EDAR: variants seen among roughly 807,000 people sequenced by gnomAD.
EDAR encodes ectodysplasin A receptor, also known as tumor necrosis factor receptor superfamily member EDAR.
EDAR carries 38 observed loss-of-function variants against 51.3 expected under a neutral mutation model. That is an observed-to-expected ratio of 0.74 (90% CI 0.57 to 0.97). The LOEUF (loss-of-function observed/expected upper bound fraction) is 0.97, where lower values mean the gene tolerates loss of function less well. EDAR is among the 50% of genes least tolerant of loss of function. EDAR has a pLI of 0.00. For synonymous variants in EDAR, 227 were observed against 242.1 expected, an observed-to-expected ratio of 0.94 and a Z score of 0.58; for missense variants, 528 against 595.0, an observed-to-expected ratio of 0.89 and a Z score of 1.17.
chr2:108,934,913 G>C (rs977983083), intron 1 of EDAR, among the ~76,000 whole-genome samples: 3 of 152,212 alleles, frequency 2.0e-5, no homozygotes, highest in African/African-American at 7.2e-5. Context: ...AGGCAGACAA[G>C]GCTGCTGCTT....
chr2:108,939,679 G>A (rs1451312882), intron 1 of EDAR, among the ~76,000 whole-genome samples: 2 of 152,204 alleles, frequency 1.3e-5, no homozygotes, highest in Admixed American at 6.5e-5. Context: ...AGCAATAGAT[G>A]AATGAGTTAT....
chr2:108,924,567 C>A (rs1030946523), intron 4 of EDAR, among the ~76,000 whole-genome samples: 1 of 152,192 alleles, frequency 6.6e-6, no homozygotes, highest in Non-Finnish European at 1.5e-5. Context: ...ATTAGCCAGG[C>A]CCCATGGAGG....
intron 1 of EDAR, among the ~76,000 whole-genome samples, chr2:108,988,220 G>A (rs1172109454): frequency 1.3e-5 from 2 of 152,190 alleles, no homozygotes; most frequent in East Asian, 1.9e-4. Flanking sequence ...TGGGAACCTC[G>A]CCTGCTGACC....
At chr2:108,912,630 C>G (rs780516704) in intron 6 of EDAR, 48 bp downstream of exon 6, 1 of 1,508,986 alleles carries the variant, frequency 6.6e-7, no homozygotes, top group Non-Finnish European at 9.0e-7. Context: ...AGCTTTCATC[C>G]GAGTACCACC....
At chr2:108,913,186 T>A (rs2105407052) in intron 5 of EDAR, among the ~76,000 whole-genome samples, 1 of 152,242 alleles carries the variant, frequency 6.6e-6, no homozygotes, top group Admixed American at 6.5e-5. Flanking sequence ...CCTGACCTTG[T>A]GATCTGCCCG....
intron 5 of EDAR, among the ~76,000 whole-genome samples, chr2:108,914,631 T>G (rs1574375286): frequency 6.6e-6 from 1 of 152,158 alleles, no homozygotes; most frequent in Non-Finnish European, 1.5e-5. Context: ...TAAAAGAAGA[T>G]CAACCTTCTT....
At chr2:108,906,526 G>A (rs1361439766) in intron 10 of EDAR, among the ~76,000 whole-genome samples, 158 bp from the exon 11 acceptor site, 1 of 152,220 alleles carries the variant, frequency 6.6e-6, no homozygotes. Context: ...CACACAGGGA[G>A]GAGGGCCTTC....
At chr2:108,977,560 G>A (rs1698346486) in intron 1 of EDAR, among the ~76,000 whole-genome samples, 2 of 152,254 alleles carry the variant, frequency 1.3e-5, no homozygotes, top group South Asian at 4.1e-4. Flanking sequence ...GTGAGCCACC[G>A]AGCCTGGCCA....
intron 1 of EDAR, among the ~76,000 whole-genome samples, chr2:108,940,018 G>A (rs1239326310): frequency 1.3e-5 from 2 of 152,232 alleles, no homozygotes; most frequent in Non-Finnish European, 2.9e-5. Context: ...ATCATTGAAA[G>A]ACACGCTACT....
At chr2:108,960,502 G>A (rs1698017626) in intron 1 of EDAR, among the ~76,000 whole-genome samples, 1 of 152,226 alleles carries the variant, frequency 6.6e-6, no homozygotes, top group Non-Finnish European at 1.5e-5. Context: ...GGCATGAGGA[G>A]CCAGGGCAGG....
intron 5 of EDAR, 68 bp from the exon 6 acceptor site, chr2:108,912,832 C>T: frequency 1.5e-6 from 2 of 1,316,054 alleles, no homozygotes; most frequent in Non-Finnish European, 2.1e-6. Context: ...TGCCACAGAG[C>T]TCATGGATCT....
At chr2:108,967,546 C>G (rs976167355) in intron 1 of EDAR, among the ~76,000 whole-genome samples, 10 of 152,184 alleles carry the variant, frequency 6.6e-5, no homozygotes, top group Admixed American at 4.6e-4. Flanking sequence ...TTGTGCACAA[C>G]AAGTGACTTC....
intron 1 of EDAR, among the ~76,000 whole-genome samples, chr2:108,937,664 ATG>A (rs1239587324): frequency 1.3e-5 from 2 of 151,406 alleles, no homozygotes; most frequent in Admixed American, 1.3e-4. Context: ...GTATGTTTAT[ATG>A]TGTGAGTATA....
rs989186436 is a variant in EDAR, at chr2:108,911,303, C to A, written c.530-231G>T. ...CTGCCCTCAGACTGGCCTCTCCAGA[C>A]TTCTCTGGGGTCACCTGATTGTTCC... On this transcript the variant is annotated intron_variant, in intron 6 of 11. Transcript: ENST00000258443. 2.6e-5 allele frequency among the ~76,000 whole-genome samples: 4 copies of A among 152,320 alleles called. No individual in the cohort carries two copies. The East Asian group carries it at 7.7e-4, about 29-fold the overall frequency.
At chr2:108,951,622 G>A (rs970368388) in intron 1 of EDAR, among the ~76,000 whole-genome samples, 1 of 152,110 alleles carries the variant, frequency 6.6e-6, no homozygotes, top group Non-Finnish European at 1.5e-5. Flanking sequence ...ACAGGGAAGG[G>A]CACTGGATCA....
In EDAR at chr2:108,897,447, C is replaced by T. The variant is rs116238015; in HGVS notation, c.1025-218G>A. Among the ~76,000 whole-genome samples, 520 of 152,216 alleles carry T rather than the reference C, an allele frequency of 3.4e-3. 4 individuals are homozygous for T. Among genetic ancestry groups the T allele is most frequent in the African/African-American group, 0.011 (472 of 41,522 alleles). ...GAGGGCTGTGCATGTACCCTGACCCCGGTAATAGCCCCTTCCCCACTAGGA... is the reference window on the plus strand; with the variant it reads ...GAGGGCTGTGCATGTACCCTGACCCTGGTAATAGCCCCTTCCCCACTAGGA... On this transcript the variant is annotated intron_variant, in intron 11 of 11. Transcript: ENST00000258443.
At chr2:108,986,217 T>C (rs1333819604) in intron 1 of EDAR, among the ~76,000 whole-genome samples, 1 of 152,204 alleles carries the variant, frequency 6.6e-6, no homozygotes, top group African/African-American at 2.4e-5. Flanking sequence ...ATGGCCTATA[T>C]TTGACAGTTT....
intron 1 of EDAR, among the ~76,000 whole-genome samples, chr2:108,970,860 G>T (rs1225893895): frequency 6.6e-6 from 1 of 152,162 alleles, no homozygotes; most frequent in Non-Finnish European, 1.5e-5. Flanking sequence ...GTTTAACCTG[G>T]GGAATAGTCT....
intron 1 of EDAR, among the ~76,000 whole-genome samples, chr2:108,984,446 T>C (rs1010351020): frequency 6.6e-6 from 1 of 152,078 alleles, no homozygotes; most frequent in Non-Finnish European, 1.5e-5. Flanking sequence ...CACGGCCCGC[T>C]CAGGCTCCTG....
Sources: allele counts gnomAD v4.1 joint callset (sites outside exome capture counted in the v4.1 genomes callset), GRCh38; gene constraint gnomAD v4.1.1; transcripts MANE v1.5; gene names NCBI Gene and HGNC (gene_info 2026-07-23, HGNC 2026-07-21).